The following TMPRSS15 variants were observed in gnomAD, a reference collection of about 807,000 sequenced individuals.
The protein encoded by TMPRSS15 is transmembrane serine protease 15, also known as enteropeptidase.
In TMPRSS15, 128 loss-of-function variants were observed where a neutral mutation model predicts 125.3. The observed-to-expected ratio is 1.02, with a 90% CI of 0.89 to 1.18. TMPRSS15 has a LOEUF of 1.18. TMPRSS15 is among the 50% of genes most tolerant of loss of function. The pLI, the probability that TMPRSS15 is intolerant of heterozygous loss-of-function variation, is 0.00. For missense variants in TMPRSS15, 1,283 were observed against 1,212.7 expected (o/e 1.06, Z -0.86); for synonymous variants, 446 against 423.2 (o/e 1.05, Z -0.66).
At chr21:18,336,885 CA>C (rs1171892868) in intron 13 of TMPRSS15, among the ~76,000 whole-genome samples, 1 of 15,506 alleles carries the variant, frequency 6.4e-5, no homozygotes, top group African/African-American at 1.1e-4. Context: ...TAGAACAACC[CA>C]AAACACACTG....
Position 18,365,115 on chromosome 21 carries a change from C to G in TMPRSS15, c.773+25G>C, listed in dbSNP as rs1483185118. ...AGAAAAACGCTTTATGACTTAAGAA[C>G]AGAAAATATAAGATCTTGTATTACC... On this transcript the variant is annotated intron_variant, in intron 7 of 24. Transcript: ENST00000284885. 2.5e-6 allele frequency: 4 copies of G among 1,588,016 alleles called. 1 individual carries two copies. In the South Asian group the frequency reaches 4.4e-5, roughly 18 times the overall value.
intron 22 of TMPRSS15, among the ~76,000 whole-genome samples, chr21:18,280,305 G>C (rs767062600): frequency 6.6e-6 from 1 of 152,022 alleles, no homozygotes; most frequent in South Asian, 2.1e-4. Context: ...GGCCGGGCAC[G>C]GTGGCTCACG....
At chr21:18,435,388 T>A (rs529276985) in intron 1 of TMPRSS15, among the ~76,000 whole-genome samples, 1 of 152,342 alleles carries the variant, frequency 6.6e-6, no homozygotes, top group African/African-American at 2.4e-5. Context: ...ATGGAGATAA[T>A]CATGTGGCTT....
chr21:18,384,503 C>A (rs1308162571), intron 3 of TMPRSS15, among the ~76,000 whole-genome samples: 1 of 152,036 alleles, frequency 6.6e-6, no homozygotes, highest in East Asian at 1.9e-4. Flanking sequence ...TGCTCTGTAC[C>A]ATGCATTTTA....
intron 17 of TMPRSS15, among the ~76,000 whole-genome samples, chr21:18,314,822 C>T (rs1317087823): frequency 6.6e-6 from 1 of 151,876 alleles, no homozygotes; most frequent in Non-Finnish European, 1.5e-5. Flanking sequence ...AAAACAGTAG[C>T]CAATATGAGT....
At chr21:18,336,309 G>T (rs561326876) in intron 13 of TMPRSS15, among the ~76,000 whole-genome samples, 12 of 152,268 alleles carry the variant, frequency 7.9e-5, no homozygotes, top group African/African-American at 2.9e-4. Flanking sequence ...GATGTAGCTT[G>T]AGAAATAATA....
intron 24 of TMPRSS15, among the ~76,000 whole-genome samples, chr21:18,272,079 C>T (rs1434588812): frequency 6.6e-6 from 1 of 151,924 alleles, no homozygotes; most frequent in Non-Finnish European, 1.5e-5. Context: ...TGATTTAATC[C>T]CAGTAAAGGG....
chr21:18,484,176 C>T lies in TMPRSS15; in HGVS notation c.10+1623G>A, dbSNP rs892788093. ...TTTGCTTTCTGGTGAACTAGGAAAT[C>T]GTTTCCTAAAATAAATGTCAAGTCA... is the stretch of plus-strand genomic sequence containing the variant. On this transcript the variant is annotated intron_variant, in intron 1 of 7. Coordinates refer to the TMPRSS15 transcript ENST00000422787. Among the ~76,000 whole-genome samples, 8 of 151,908 alleles carry T rather than the reference C, an allele frequency of 5.3e-5. No individual in the cohort carries two copies. In the East Asian group the frequency reaches 7.7e-4, roughly 15 times the overall value.
chr21:18,365,643 T>TCTCTCTCTCTTTTTCCTTCCTTCCTTCC (rs1555904770), intron 6 of TMPRSS15, among the ~76,000 whole-genome samples: 1 of 26,776 alleles, frequency 3.7e-5, no homozygotes, highest in African/African-American at 1.1e-4. Flanking sequence ...TCTCTCTCTT[T>TCTCTCTCTCTTTTTCCTTCCTTCCTTCC]TTCCTCCCTT....
At chr21:18,357,599 C>G (rs1268683083) in intron 8 of TMPRSS15, among the ~76,000 whole-genome samples, 3 of 151,674 alleles carry the variant, frequency 2.0e-5, no homozygotes, top group Non-Finnish European at 1.5e-5. Flanking sequence ...TGAAAGCAAA[C>G]CTTGTAAGCA....
intron 7 of TMPRSS15, among the ~76,000 whole-genome samples, chr21:18,360,868 T>C (rs1206500632): frequency 1.3e-5 from 2 of 152,124 alleles, no homozygotes; most frequent in Non-Finnish European, 2.9e-5. Context: ...TCACTTTCGG[T>C]AGTATGAACA....
At chr21:18,469,033 A>T (rs1474493177) in intron 1 of TMPRSS15, among the ~76,000 whole-genome samples, 15 of 152,158 alleles carry the variant, frequency 9.9e-5, no homozygotes, top group Non-Finnish European at 1.5e-4. Context: ...GCTTTAACAT[A>T]AATACCGGAG....
intron 1 of TMPRSS15, among the ~76,000 whole-genome samples, chr21:18,447,439 C>CAAAAAAAAAAAAAA (rs57558994): frequency 2.3e-5 from 2 of 88,100 alleles, no homozygotes; most frequent in Non-Finnish European, 4.2e-5. Context: ...GACTTCAACT[C>CAAAAAAAAAAAAAA]AAAAAAAAAA....
chr21:18,407,297 T>C (rs2076154324), upstream of TMPRSS15, among the ~76,000 whole-genome samples: 1 of 152,122 alleles, frequency 6.6e-6, no homozygotes, highest in Non-Finnish European at 1.5e-5. Flanking sequence ...TGAGTTAATA[T>C]TCTGCATTTT....
intron 1 of TMPRSS15, among the ~76,000 whole-genome samples, chr21:18,466,888 A>T (rs1398841421): frequency 6.6e-6 from 1 of 152,186 alleles, no homozygotes; most frequent in Non-Finnish European, 1.5e-5. Context: ...ATACCATTTG[A>T]CCCAGCAATC....
intron 22 of TMPRSS15, 147 bp from the exon 23 acceptor site, chr21:18,279,206 G>C (rs1442610510): frequency 3.7e-6 from 2 of 543,468 alleles, no homozygotes; most frequent in African/African-American, 3.9e-5. Context: ...AAAAATTTTA[G>C]ACATCGGTCT....
Position 18,433,663 on chromosome 21 carries a change from CAAAAAAA to C in TMPRSS15, c.11-35341_11-35335del, listed in dbSNP as rs58432155. 8.0e-5 allele frequency among the ~76,000 whole-genome samples: 5 copies of C among 62,446 alleles called. 1 individual carries two copies. The highest frequency in any genetic ancestry group is 3.2e-4 in the African/African-American group (5 of 15,732). The allele number at this position is 62,446 out of a possible 152,430, so 41.0% of individuals were successfully genotyped here. On this transcript the variant is annotated intron_variant, in intron 1 of 7. Transcript: ENST00000422787. ...TGGGTGAGAAAGTAAGACCTTGTCT[CAAAAAAA>C]AAAAAAAAAAAAAAAAGAAAATAAC...
At chr21:18,383,071 C>T (rs2075908016) in intron 4 of TMPRSS15, among the ~76,000 whole-genome samples, 1 of 152,070 alleles carries the variant, frequency 6.6e-6, no homozygotes, top group East Asian at 1.9e-4. Context: ...TCGGACCTTG[C>T]CACTGGATTT....
At chr21:18,451,131 A>G (rs1242190225) in intron 1 of TMPRSS15, among the ~76,000 whole-genome samples, 3 of 152,004 alleles carry the variant, frequency 2.0e-5, no homozygotes, top group Admixed American at 6.6e-5. Flanking sequence ...TTTGTTAAGG[A>G]TTTTATTGTA....
Sources: allele counts gnomAD v4.1 joint callset (sites outside exome capture counted in the v4.1 genomes callset), GRCh38; gene constraint gnomAD v4.1.1; transcripts MANE v1.5; gene names NCBI Gene and HGNC (gene_info 2026-07-23, HGNC 2026-07-21).